The following CAMTA1 variants were observed in gnomAD, a reference collection of about 807,000 sequenced individuals.
CAMTA1 encodes calmodulin-binding transcription activator 1.
A neutral mutation model predicts 170.9 loss-of-function variants in CAMTA1; 27 were observed. That is an observed-to-expected ratio of 0.16 (90% confidence interval 0.12 to 0.22). The LOEUF is 0.22. Among genes scored for constraint, CAMTA1 ranks in the 10% least tolerant of loss-of-function variants. The pLI, the probability that CAMTA1 is intolerant of heterozygous loss-of-function variation, is 1.00. For synonymous variants in CAMTA1, 833 were observed against 891.5 expected (o/e 0.93, Z 1.17); for missense variants, 1,619 against 2,217.2 (o/e 0.73, Z 5.42).
chr1:7,257,081 G>GGT (rs763699966), intron 5 of CAMTA1, among the ~76,000 whole-genome samples: 1 of 150,306 alleles, frequency 6.7e-6, no homozygotes, highest in Non-Finnish European at 1.5e-5. Flanking sequence ...CATGGCGGGG[G>GGT]CGGGGGTTGG....
intron 6 of CAMTA1, among the ~76,000 whole-genome samples, chr1:7,605,055 G>C (rs373132300): frequency 3.3e-5 from 5 of 152,244 alleles, no homozygotes; most frequent in African/African-American, 1.2e-4. Context: ...TGTCTCAGAG[G>C]AGTACCCGGC....
intron 7 of CAMTA1, among the ~76,000 whole-genome samples, chr1:7,658,096 T>C (rs951307557): frequency 6.6e-6 from 1 of 152,002 alleles, no homozygotes; most frequent in Non-Finnish European, 1.5e-5. Flanking sequence ...TCAAGTGGGG[T>C]GTAGCCTGAA....
At chr1:7,163,524 A>G (rs1573573239) in intron 4 of CAMTA1, among the ~76,000 whole-genome samples, 1 of 152,322 alleles carries the variant, frequency 6.6e-6, no homozygotes, top group East Asian at 1.9e-4. Context: ...ACCGGCTTCC[A>G]GGGAACTGGG....
chr1:7,594,737 C>A (rs1018548592), intron 6 of CAMTA1, among the ~76,000 whole-genome samples: 1 of 152,126 alleles, frequency 6.6e-6, no homozygotes, highest in African/African-American at 2.4e-5. Flanking sequence ...GAAGTTAAGA[C>A]GAAGAGAGGA....
At chr1:7,412,259 T>A (rs1483398387) in intron 5 of CAMTA1, among the ~76,000 whole-genome samples, 1 of 152,120 alleles carries the variant, frequency 6.6e-6, no homozygotes, top group Non-Finnish European at 1.5e-5. Context: ...TTTATAGTCC[T>A]TTGGGTATAT....
chr1:6,916,463 G>A (rs190060839), intron 3 of CAMTA1, among the ~76,000 whole-genome samples: 2 of 152,290 alleles, frequency 1.3e-5, no homozygotes, highest in African/African-American at 2.4e-5. Context: ...CAGCATTTAC[G>A]GCAGCTTGAC....
intron 3 of CAMTA1, among the ~76,000 whole-genome samples, chr1:7,090,333 C>T (rs77059913): frequency 0.012 from 1,871 of 152,338 alleles, 36 homozygotes; most frequent in African/African-American, 0.043. Context: ...CTGCTACCTT[C>T]CCAGGAGCCC....
At chr1:6,860,363 A>G (rs1664213568) in intron 3 of CAMTA1, among the ~76,000 whole-genome samples, 1 of 152,134 alleles carries the variant, frequency 6.6e-6, no homozygotes, top group Non-Finnish European at 1.5e-5. Context: ...TTAGAGCTCT[A>G]ATTTCATTTT....
At chr1:7,418,238 T>G (rs1012607313) in intron 5 of CAMTA1, among the ~76,000 whole-genome samples, 1 of 152,200 alleles carries the variant, frequency 6.6e-6, no homozygotes, top group Non-Finnish European at 1.5e-5. Context: ...CTTTGTCACC[T>G]GAGCTGGAGT....
intron 4 of CAMTA1, among the ~76,000 whole-genome samples, chr1:7,097,581 C>T (rs572302260): frequency 1.3e-5 from 2 of 152,344 alleles, no homozygotes; most frequent in Non-Finnish European, 2.9e-5. Flanking sequence ...TTGGGACAGA[C>T]AGAGGACTTT....
chr1:7,602,080 T>TTTCCTTCCTTCCTTCC (rs757245897), intron 6 of CAMTA1, among the ~76,000 whole-genome samples: 43 of 71,064 alleles, frequency 6.1e-4, no homozygotes, highest in East Asian at 8.0e-4. Flanking sequence ...TCCAATTTTC[T>TTTCCTTCCTTCCTTCC]TTCCTTCCTT....
In CAMTA1 at chr1:7,048,580, C is replaced by T. The variant is rs117883492; in HGVS notation, c.235-42724C>T. Among the ~76,000 whole-genome samples, 127 of 152,308 alleles carry T rather than the reference C, an allele frequency of 8.3e-4. 2 individuals are homozygous for T. In the East Asian group the frequency reaches 0.024, roughly 29 times the overall value. On this transcript the variant is annotated intron_variant, in intron 3 of 22. Transcript: ENST00000303635. ...CAGCACCTGCCGAGTGAGCAGTCAT[C>T]CCATTTGAGCTCTGTAAGAGATCCA...
intron 5 of CAMTA1, among the ~76,000 whole-genome samples, chr1:7,449,299 A>G (rs2092755349): frequency 6.6e-6 from 1 of 152,136 alleles, no homozygotes. Flanking sequence ...GCCAAGCAAC[A>G]TTTTTCTGAC....
intron 6 of CAMTA1, among the ~76,000 whole-genome samples, chr1:7,509,417 T>A (rs1382772756): frequency 6.6e-6 from 1 of 152,188 alleles, no homozygotes; most frequent in East Asian, 1.9e-4. Flanking sequence ...GAAAACACCG[T>A]GACACGGGTT....
chr1:7,223,328 G>A (rs1013051976), intron 4 of CAMTA1, among the ~76,000 whole-genome samples: 8 of 152,254 alleles, frequency 5.3e-5, no homozygotes, highest in South Asian at 2.1e-4. Context: ...GTGCATGTGC[G>A]TGTGAGTATG....
intron 6 of CAMTA1, among the ~76,000 whole-genome samples, chr1:7,495,945 A>G (rs7515182): frequency 0.66 from 100,201 of 152,020 alleles, 34,276 homozygotes; most frequent in African/African-American, 0.84. Flanking sequence ...TGCCCAGAGC[A>G]CCTCCTGGCC....
chr1:7,446,909 C>G (rs2092694721), intron 5 of CAMTA1, among the ~76,000 whole-genome samples: 1 of 152,174 alleles, frequency 6.6e-6, no homozygotes, highest in African/African-American at 2.4e-5. Context: ...AAACAGCTTT[C>G]AGTGGGCAGG....
At position 7,293,708 on chromosome 1, in the gene CAMTA1, C is replaced by T. The variant is rs867017768; in HGVS notation, c.438+44082C>T. On this transcript the variant is annotated intron_variant, in intron 5 of 22. Transcript: ENST00000303635. This position sits in a 1 kb window ranked among gnomAD's most constrained non-coding sequence, Gnocchi z 4.1. ...GTGGGGGAGTCTAAACATGAATTAT[C>T]CCAGCTTAATGCTTCAAGTTATTGG... Among the ~76,000 whole-genome samples, 4 of 152,286 alleles carry T rather than the reference C, an allele frequency of 2.6e-5. No homozygotes were observed. The South Asian group carries it at 6.2e-4, about 24-fold the overall frequency.
At chr1:7,227,733 G>A (rs903446967) in intron 4 of CAMTA1, among the ~76,000 whole-genome samples, 2 of 152,202 alleles carry the variant, frequency 1.3e-5, no homozygotes, top group Admixed American at 6.5e-5. Flanking sequence ...ATGACAAGGG[G>A]CATCCTGAGG....
Sources: allele counts gnomAD v4.1 joint callset (sites outside exome capture counted in the v4.1 genomes callset), GRCh38; gene constraint gnomAD v4.1.1; non-coding constraint Gnocchi (gnomAD v3.1); transcripts MANE v1.5; gene names NCBI Gene and HGNC (gene_info 2026-07-23, HGNC 2026-07-21).